Variants in DCAF7 observed in about 807,000 individuals in gnomAD.
DCAF7 encodes the protein DDB1 and CUL4 associated factor 7, also known as DDB1- and CUL4-associated factor 7.
A neutral mutation model predicts 41.2 loss-of-function variants in DCAF7; 4 were observed. The observed-to-expected ratio is 0.10, with a 90% CI of 0.05 to 0.22. The LOEUF (loss-of-function observed/expected upper bound fraction) is 0.22, where lower values mean the gene tolerates loss of function less well. Among genes scored for constraint, DCAF7 ranks in the 10% least tolerant of loss-of-function variants. The pLI, the probability that DCAF7 is intolerant of heterozygous loss-of-function variation, is 1.00. For synonymous variants in DCAF7, 143 were observed against 164.2 expected, an observed-to-expected ratio of 0.87 and a Z score of 0.99; for missense variants, 131 against 443.2, an observed-to-expected ratio of 0.30 and a Z score of 6.32.
Position 63,579,331 on chromosome 17 carries a change from C to T in DCAF7, c.298-6C>T. On this transcript the variant is annotated splice_region_variant and splice_polypyrimidine_tract_variant and intron_variant, in intron 2 of 6. Coordinates refer to ENST00000614556, the MANE Select transcript of DCAF7 (RefSeq NM_005828.5). ...CTGATTTTTTTTAAAATTCTTGTTCCTTCAGGTTGGTGAAACAGAGACCAG... is the reference window on the plus strand; with the variant it reads ...CTGATTTTTTTTAAAATTCTTGTTCTTTCAGGTTGGTGAAACAGAGACCAG... 1.3e-6 allele frequency: 2 copies of T among 1,585,350 alleles called. No individual in the cohort carries two copies. Among genetic ancestry groups the T allele is most frequent in the South Asian group, 1.2e-5 (1 of 86,918 alleles).
rs534147780 is a variant in DCAF7, at chr17:63,550,996, G to A, written c.138+181G>A. Among the ~76,000 whole-genome samples the A allele has an allele frequency of 2.6e-5, 4 of 152,374 alleles. No homozygotes were observed. The East Asian group carries it at 5.8e-4, about 22-fold the overall frequency. ...TCGTTGTCTGTCTCCTTTAATCCAG[G>A]CAGCATTCTTGTGTAGTCGGCAGTG... On this transcript the variant is annotated intron_variant, in intron 1 of 6. Transcript: ENST00000614556. This position sits in a 1 kb window ranked among gnomAD's most constrained non-coding sequence, Gnocchi z 4.8.
Position 63,589,267 on chromosome 17 carries a change from T to G in DCAF7, c.*95T>G, listed in dbSNP as rs1598039546. 1 of 1,516,652 alleles carries G rather than the reference T, an allele frequency of 6.6e-7. No individual in the cohort carries two copies. The highest frequency in any genetic ancestry group is 9.0e-7 in the Non-Finnish European group (1 of 1,107,824). The allele number at this position is 1,516,652 out of a possible 1,614,324, so 93.9% of individuals were successfully genotyped here. ...GAAGAAACATGTTTCCAGTGGCCAG[T>G]ATGTCTTTCATTGCTTTGCACCCAC... is the stretch of plus-strand genomic sequence containing the variant. On this transcript the variant is annotated 3_prime_UTR_variant, in exon 7 of 7. Transcript: ENST00000614556.
intron 1 of DCAF7, among the ~76,000 whole-genome samples, chr17:63,552,784 C>T (rs988604942): frequency 6.6e-6 from 1 of 152,196 alleles, no homozygotes; most frequent in Admixed American, 6.5e-5. Flanking sequence ...ACTGCTGTTG[C>T]AGGAACTCTA....
rs1568097635 is a variant in DCAF7 at position 63,559,334 on chromosome 17, C to CGT, written c.138+8519_138+8520insGT. On this transcript the variant is annotated intron_variant, in intron 1 of 6. Coordinates refer to ENST00000614556, the MANE Select transcript of DCAF7 (RefSeq NM_005828.5). ...ATATATATATATGTATATATATATA[C>CGT]ATACATATATATACGTATATATATG... Among the ~76,000 whole-genome samples the CGT allele has an allele frequency of 8.9e-4, 58 of 65,004 alleles. 1 individual carries two copies. The highest frequency in any genetic ancestry group is 4.7e-3 in the African/African-American group (46 of 9,744). 42.6% of individuals were successfully genotyped at this position (65,004 alleles called of 152,430 possible). A position where few individuals can be genotyped will look rare whatever the true frequency, so the allele number is the denominator to read the frequency against.
intron 1 of DCAF7, among the ~76,000 whole-genome samples, chr17:63,563,985 A>G (rs1002948950): frequency 6.6e-6 from 1 of 152,182 alleles, no homozygotes; most frequent in Admixed American, 6.5e-5. Context: ...ATAGAGATTC[A>G]TAGCCTTGGC....
intron 1 of DCAF7, among the ~76,000 whole-genome samples, chr17:63,559,255 G>A (rs544762918): frequency 2.0e-5 from 3 of 148,726 alleles, no homozygotes; most frequent in African/African-American, 7.5e-5. Context: ...AGGTTGCAGT[G>A]AGCCAAGATT....
chr17:63,568,744 C>T (rs1158297653), intron 1 of DCAF7, among the ~76,000 whole-genome samples: 2 of 152,196 alleles, frequency 1.3e-5, no homozygotes, highest in Non-Finnish European at 2.9e-5. Flanking sequence ...TCTCATGGGA[C>T]TGGACCCGGC....
intron 1 of DCAF7, among the ~76,000 whole-genome samples, chr17:63,577,285 G>C (rs1259218447): frequency 6.6e-6 from 1 of 152,150 alleles, no homozygotes; most frequent in Non-Finnish European, 1.5e-5. Flanking sequence ...CCTAACTTTG[G>C]GGGGAAAATG....
rs377638787 is a variant in DCAF7 at position 63,588,189 on chromosome 17, A to ATTTTTTTTTTTTT, written c.857-807_857-795dup. On this transcript the variant is annotated intron_variant, in intron 6 of 6. Coordinates refer to ENST00000614556, the MANE Select transcript of DCAF7 (RefSeq NM_005828.5). ...GTGTTTCCCATAGCTATTTTCTTGG[A>ATTTTTTTTTTTTT]TTTTTTTTTTTTTTTTGAGATGAAG... Among the ~76,000 whole-genome samples, 800 of 120,090 alleles carry ATTTTTTTTTTTTT rather than the reference A, an allele frequency of 6.7e-3. 95 individuals carry two copies. Among genetic ancestry groups the ATTTTTTTTTTTTT allele is most frequent in the African/African-American group, 0.029 (740 of 25,298 alleles). The allele number at this position is 120,090 out of a possible 152,430, so 78.8% of individuals were successfully genotyped here.
intron 1 of DCAF7, among the ~76,000 whole-genome samples, chr17:63,562,084 A>G (rs2033388643): frequency 6.6e-6 from 1 of 152,138 alleles, no homozygotes; most frequent in South Asian, 2.1e-4. Context: ...CTACCAGATT[A>G]GAATAAACAT....
At chr17:63,585,384 G>C in intron 6 of DCAF7, 56 bp downstream of exon 6, 1 of 1,474,484 alleles carries the variant, frequency 6.8e-7, no homozygotes. Context: ...CTGTTCTCTT[G>C]GCTCCTTAGA....
At chr17:63,569,844 C>T (rs2033486063) in intron 1 of DCAF7, among the ~76,000 whole-genome samples, 1 of 152,148 alleles carries the variant, frequency 6.6e-6, no homozygotes, top group Admixed American at 6.5e-5. Flanking sequence ...TTCTGAGAAG[C>T]TGGGATTACA....
At chr17:63,551,229 T>C (rs2033249310) in intron 1 of DCAF7, among the ~76,000 whole-genome samples, 1 of 151,990 alleles carries the variant, frequency 6.6e-6, no homozygotes, top group Non-Finnish European at 1.5e-5. Flanking sequence ...GCGCTTCTAT[T>C]GGTGGTCGTG....
intron 1 of DCAF7, among the ~76,000 whole-genome samples, chr17:63,556,942 C>T (rs1200108131): frequency 6.6e-6 from 1 of 152,120 alleles, no homozygotes; most frequent in Admixed American, 6.6e-5. Context: ...ATGGAAGGAT[C>T]ACTTGAGCCC....
Position 63,578,743 on chromosome 17 carries a change from A to G in DCAF7, c.297+115A>G. 5.0e-6 allele frequency: 7 copies of G among 1,406,780 alleles called. No individual in the cohort carries two copies. The South Asian group carries it at 7.6e-5, about 15-fold the overall frequency. The allele number at this position is 1,406,780 out of a possible 1,614,324, so 87.1% of individuals were successfully genotyped here. ...GAGGCAGCGAGTGTCATTGCAGCAC[A>G]GGAGAAGCAAGCGAAGCTTAAATGG... On this transcript the variant is annotated intron_variant, in intron 2 of 6. Coordinates refer to ENST00000614556, the MANE Select transcript of DCAF7 (RefSeq NM_005828.5).
chr17:63,579,793 C>T (rs746676249), intron 3 of DCAF7, 32 bp from the exon 4 acceptor site: 9 of 1,575,846 alleles, frequency 5.7e-6, no homozygotes, highest in Admixed American at 3.4e-5. Flanking sequence ...ACCTTGGTCC[C>T]GTCAGCCCTG....
intron 1 of DCAF7, among the ~76,000 whole-genome samples, chr17:63,553,289 T>C (rs1598023835): frequency 6.6e-6 from 1 of 152,310 alleles, no homozygotes; most frequent in Admixed American, 6.5e-5. Context: ...AAAAATTCTC[T>C]TGCTGGCAAA....
Position 63,579,629 on chromosome 17 carries a change from C to T in DCAF7, c.409+181C>T, listed in dbSNP as rs534855319. ...TTCCGTGTGTATAGATCTTGTCTCT[C>T]CAGTTAGAATCTAAGGTCCTACGGT... On this transcript the variant is annotated intron_variant, in intron 3 of 6. Transcript: ENST00000614556. 2.6e-5 allele frequency among the ~76,000 whole-genome samples: 4 copies of T among 152,184 alleles called. No individual in the cohort carries two copies. In the South Asian group the frequency reaches 6.2e-4, roughly 24 times the overall value.
intron 1 of DCAF7, among the ~76,000 whole-genome samples, chr17:63,551,801 C>T (rs1423028059): frequency 2.1e-5 from 3 of 144,962 alleles, no homozygotes; most frequent in East Asian, 2.1e-4. Flanking sequence ...AATCCCAGGA[C>T]TTTGGGAGGC....
Sources: allele counts gnomAD v4.1 joint callset (sites outside exome capture counted in the v4.1 genomes callset), GRCh38; gene constraint gnomAD v4.1.1; non-coding constraint Gnocchi (gnomAD v3.1); transcripts MANE v1.5; gene names NCBI Gene and HGNC (gene_info 2026-07-23, HGNC 2026-07-21).